Variants in ADRA1B observed in about 807,000 individuals in gnomAD.
ADRA1B encodes the protein adrenoceptor alpha 1B.
A neutral mutation model predicts 17.9 loss-of-function variants in ADRA1B; 17 were observed. That is an observed-to-expected ratio of 0.95 (90% CI 0.65 to 1.42). The LOEUF is 1.42. ADRA1B is among the 40% of genes most tolerant of loss of function. The pLI, the probability that ADRA1B is intolerant of heterozygous loss-of-function variation, is 0.00. For missense variants in ADRA1B, 681 were observed against 722.1 expected, an observed-to-expected ratio of 0.94 and a Z score of 0.65; for synonymous variants, 366 against 327.6, an observed-to-expected ratio of 1.12 and a Z score of -1.27.
chr5:159,940,808 G>T (rs528091682), intron 1 of ADRA1B, among the ~76,000 whole-genome samples: 1 of 152,258 alleles, frequency 6.6e-6, no homozygotes, highest in African/African-American at 2.4e-5. Flanking sequence ...TCTGTAGTGA[G>T]CATGAATTGC....
intron 1 of ADRA1B, chr5:159,870,879 T>G (rs1753730243): frequency 6.6e-6 from 1 of 152,240 alleles, no homozygotes; most frequent in African/African-American, 2.4e-5. Context: ...ACAGTCACTG[T>G]GTCCTGTAGT....
chr5:159,937,360 G>A (rs1754984604), intron 1 of ADRA1B, among the ~76,000 whole-genome samples: 1 of 152,124 alleles, frequency 6.6e-6, no homozygotes, highest in Non-Finnish European at 1.5e-5. Flanking sequence ...ACTTGCCCAG[G>A]GTCATACCTG....
At chr5:159,944,263 C>T (rs764279188) in intron 1 of ADRA1B, among the ~76,000 whole-genome samples, 31 of 152,304 alleles carry the variant, frequency 2.0e-4, no homozygotes, top group Non-Finnish European at 4.1e-4. Flanking sequence ...TCAGCTTTCT[C>T]GCTGGCCACT....
At chr5:159,950,600 T>C in intron 1 of ADRA1B, 1 of 1,004,340 alleles carries the variant, frequency 1.0e-6, no homozygotes. Context: ...TTGAGGGCAA[T>C]GCCGGCCCCA....
chr5:159,921,482 A>T (rs1390819574), intron 1 of ADRA1B, among the ~76,000 whole-genome samples: 2 of 152,228 alleles, frequency 1.3e-5, no homozygotes, highest in East Asian at 3.8e-4. Flanking sequence ...GGTCTCAAGA[A>T]GTGGCTGAGC....
At chr5:159,897,496 A>G (rs1354214975) in intron 1 of ADRA1B, among the ~76,000 whole-genome samples, 1 of 151,884 alleles carries the variant, frequency 6.6e-6, no homozygotes, top group East Asian at 1.9e-4. Flanking sequence ...AAAAAAAAAA[A>G]GAAAAAAGGA....
intron 1 of ADRA1B, among the ~76,000 whole-genome samples, chr5:159,875,756 A>T (rs763526765): frequency 5.9e-5 from 9 of 152,210 alleles, no homozygotes; most frequent in Non-Finnish European, 1.2e-4. Flanking sequence ...TGGTCCCTGC[A>T]GGCATCCAGG....
rs1405043675 is a variant in ADRA1B at position 159,950,691 on chromosome 5, G to C, written c.950-21188G>C. On this transcript the variant is annotated intron_variant, in intron 1 of 1. Transcript: ENST00000306675. ...GCTCAGTGTCGCCCCAGATGCCCTT[G>C]GGGGGACACTCCAATGCTCACTTCA... 2.7e-5 allele frequency: 19 copies of C among 715,592 alleles called. No homozygotes were observed. In the Admixed American group the frequency reaches 3.3e-4, roughly 13 times the overall value. 44.3% of individuals were successfully genotyped at this position (715,592 alleles called of 1,614,324 possible). A position where few individuals can be genotyped will look rare whatever the true frequency, so the allele number is the denominator to read the frequency against.
rs150248873 is a variant in ADRA1B, at chr5:159,909,661, G to A, written c.-255-6458G>A. The stretch of plus-strand genomic sequence containing the variant: ...TTATTTATCTTAGACTGTAAACTAC[G>A]GGAGGACAAGGAAGGCCGGCATCAA... On this transcript the variant is annotated intron_variant, in intron 1 of 2. Transcript: ENST00000641205. Among the ~76,000 whole-genome samples, 956 of 152,282 alleles carry A rather than the reference G, an allele frequency of 6.3e-3. 9 individuals are homozygous for A. The highest frequency in any genetic ancestry group is 0.017 in the Middle Eastern group (5 of 294).
chr5:159,942,517 A>T (rs1367164281), intron 1 of ADRA1B, among the ~76,000 whole-genome samples: 1 of 152,196 alleles, frequency 6.6e-6, no homozygotes, highest in Non-Finnish European at 1.5e-5. Context: ...CTAATTAAGA[A>T]AGATCTTTAA....
chr5:159,890,285 C>A (rs754544803), intron 1 of ADRA1B, among the ~76,000 whole-genome samples: 7 of 152,184 alleles, frequency 4.6e-5, no homozygotes, highest in Non-Finnish European at 7.3e-5. Flanking sequence ...TTCAGAACCC[C>A]CAACCTCCTT....
chr5:159,974,267 A>G (rs1282927162), downstream of ADRA1B, among the ~76,000 whole-genome samples: 2 of 152,198 alleles, frequency 1.3e-5, no homozygotes, highest in Non-Finnish European at 2.9e-5. Flanking sequence ...TGCCTTCCTC[A>G]TGACATTCTT....
chr5:159,894,876 A>G (rs1754025266), intron 1 of ADRA1B, among the ~76,000 whole-genome samples: 1 of 152,310 alleles, frequency 6.6e-6, no homozygotes, highest in South Asian at 2.1e-4. Flanking sequence ...CCAAGCCAGC[A>G]TTCCCTATGC....
chr5:159,910,592 G>A (rs1581027427), intron 1 of ADRA1B, among the ~76,000 whole-genome samples: 1 of 152,138 alleles, frequency 6.6e-6, no homozygotes, highest in African/African-American at 2.4e-5. Context: ...CCGGACAGAC[G>A]GTCTCTGTTG....
At chr5:159,877,982 G>A (rs1452890447) in intron 1 of ADRA1B, among the ~76,000 whole-genome samples, 1 of 152,030 alleles carries the variant, frequency 6.6e-6, no homozygotes, top group Non-Finnish European at 1.5e-5. Context: ...ACCTCTTCTG[G>A]GAACAACCTG....
chr5:159,924,518 C>A (rs1279840984), intron 1 of ADRA1B, among the ~76,000 whole-genome samples: 2 of 152,216 alleles, frequency 1.3e-5, no homozygotes, highest in Non-Finnish European at 2.9e-5. Context: ...AATGAGTTAG[C>A]CTCAGCTTTG....
chr5:159,918,263 A>C (rs1051455522), intron 1 of ADRA1B, among the ~76,000 whole-genome samples: 17 of 152,234 alleles, frequency 1.1e-4, no homozygotes, highest in African/African-American at 4.1e-4. Context: ...CAGACGCGGC[A>C]TTTGGGAAGC....
the ADRA1B span, among the ~76,000 whole-genome samples, chr5:159,986,131 G>T: frequency 2.6e-5 from 4 of 152,156 alleles, no homozygotes; most frequent in Non-Finnish European, 5.9e-5. Context: ...AAGAGACAAT[G>T]CTCACCCAGG....
At chr5:159,926,539 T>C (rs1754657288) in intron 1 of ADRA1B, among the ~76,000 whole-genome samples, 1 of 152,146 alleles carries the variant, frequency 6.6e-6, no homozygotes, top group African/African-American at 2.4e-5. Flanking sequence ...TCTTCTAGTA[T>C]TTGAACCTCC....
Sources: allele counts gnomAD v4.1 joint callset (sites outside exome capture counted in the v4.1 genomes callset), GRCh38; gene constraint gnomAD v4.1.1; transcripts MANE v1.5; gene names NCBI Gene and HGNC (gene_info 2026-07-23, HGNC 2026-07-21).